Variants in RPP40 observed in about 807,000 individuals in gnomAD.
The protein encoded by RPP40 is ribonuclease P/MRP subunit p40, also known as ribonuclease P protein subunit p40.
A neutral mutation model predicts 42.5 loss-of-function variants in RPP40; 30 were observed. That is an observed-to-expected ratio of 0.71 (90% CI 0.53 to 0.96). The LOEUF is 0.96. RPP40 is among the 40% of genes least tolerant of loss of function. The pLI is 0.00. For synonymous variants in RPP40, 173 were observed against 164.0 expected (o/e 1.05, Z -0.42); for missense variants, 426 against 433.5 (o/e 0.98, Z 0.15).
intron 3 of RPP40, 73 bp downstream of exon 3, chr6:5,000,490 C>CTTT (rs10631918): frequency 0.027 from 18,482 of 690,604 alleles, 445 homozygotes; most frequent in Non-Finnish European, 0.03. Flanking sequence ...GCCCAGCTGA[C>CTTT]TTTTTTTTTT....
intron 2 of RPP40, among the ~76,000 whole-genome samples, chr6:5,001,613 T>C (rs953986206): frequency 1.3e-5 from 2 of 152,182 alleles, no homozygotes; most frequent in East Asian, 3.9e-4. Context: ...CCAGCAGATA[T>C]GGGTGGAAAT....
chr6:4,989,032 T>C, the RPP40 span, among the ~76,000 whole-genome samples: 1 of 148,256 alleles, frequency 6.7e-6, no homozygotes. Flanking sequence ...TATCATGATT[T>C]TAATTTGCCT....
rs1478493715 is a variant in RPP40 at position 4,996,258 on chromosome 6, A to T, written c.722T>A (p.Phe241Tyr). The T allele has an allele frequency of 6.2e-7, 1 of 1,613,964 alleles. No homozygotes were observed. Among genetic ancestry groups the T allele is most frequent in the East Asian group, 2.2e-5 (1 of 44,896 alleles). Residue 241 changes from phenylalanine to tyrosine, a missense_variant, in exon 6 of 8, where the codon TTC becomes TAC. Coordinates refer to ENST00000380051, the MANE Select transcript of RPP40 (RefSeq NM_006638.4). Reference protein sequence around the residue: ...PEVSCRALELFDWLGAVFSNV... With the variant: ...PEVSCRALELYDWLGAVFSNV... ...ACTGAAGACGGCGCCGAGCCAGTCG[A>T]AGAGCTCCAGAGCCCGGCAGGACAC...
downstream of RPP40, among the ~76,000 whole-genome samples, chr6:4,990,819 C>A (rs1007415703): frequency 2.2e-4 from 34 of 152,110 alleles, no homozygotes; most frequent in African/African-American, 8.2e-4. Context: ...GTAATTTCAA[C>A]TTCTTTAACA....
intron 4 of RPP40, among the ~76,000 whole-genome samples, chr6:4,999,291 ATTTTTTTT>A (rs145562587): frequency 1.2e-5 from 1 of 84,282 alleles, no homozygotes; most frequent in Non-Finnish European, 2.2e-5. Flanking sequence ...AGTACTTGGA[ATTTTTTTT>A]TTTTTTTTTT....
downstream of RPP40, among the ~76,000 whole-genome samples, chr6:4,992,996 A>G (rs190275727): frequency 2.0e-5 from 3 of 152,162 alleles, no homozygotes; most frequent in Non-Finnish European, 4.4e-5. Flanking sequence ...CTCCTCTCCT[A>G]ATCTTCAAGC....
chr6:5,001,913 A>C lies in RPP40; in HGVS notation c.268+188T>G, dbSNP rs138463717. 1,130 of 532,314 alleles carry C rather than the reference A, an allele frequency of 2.1e-3. 11 individuals are homozygous for C. The highest frequency in any genetic ancestry group is 0.02 in the African/African-American group (1,025 of 52,092). 33.0% of individuals were successfully genotyped at this position (532,314 alleles called of 1,614,324 possible). Reference sequence around the variant, plus strand: ...AACACTTGTGGCCAATTGCAATCAGAAACCACCACCTAAAGAGGGTACAAG... The same window carrying C: ...AACACTTGTGGCCAATTGCAATCAGCAACCACCACCTAAAGAGGGTACAAG... On this transcript the variant is annotated intron_variant, in intron 2 of 7. Coordinates refer to ENST00000380051, the MANE Select transcript of RPP40 (RefSeq NM_006638.4).
chr6:4,992,080 G>A (rs1373294680), downstream of RPP40, among the ~76,000 whole-genome samples: 1 of 152,158 alleles, frequency 6.6e-6, no homozygotes, highest in Non-Finnish European at 1.5e-5. Flanking sequence ...GCCCATGCCT[G>A]TAATCCCAGC....
At chr6:4,989,007 A>G in the RPP40 span, among the ~76,000 whole-genome samples, 1 of 151,608 alleles carries the variant, frequency 6.6e-6, no homozygotes, top group Non-Finnish European at 1.5e-5. Flanking sequence ...TTACCATTCT[A>G]ATAGGAGTTA....
Position 4,996,067 on chromosome 6 carries a change from A to G in RPP40, c.777T>C (p.Asn259=). ...SNVDLNNEPN[N]FISTYCCPEP... ...CAGGACAGCAATAGGTTGATATGAAATTATTAGGCTCATTATTTCTGTCAC... is the reference window on the plus strand; with the variant it reads ...CAGGACAGCAATAGGTTGATATGAAGTTATTAGGCTCATTATTTCTGTCAC... The change falls in exon 7 of 8, where the codon AAT becomes AAC. Residue 259 remains asparagine (N), a synonymous_variant. Transcript: ENST00000380051. 1 of 1,614,046 alleles carries G rather than the reference A, an allele frequency of 6.2e-7. No individual in the cohort carries two copies. The highest frequency in any genetic ancestry group is 8.5e-7 in the Non-Finnish European group (1 of 1,179,972).
intron 1 of RPP40, 184 bp downstream of exon 1, chr6:5,003,696 G>A (rs943020840): frequency 4.2e-5 from 29 of 691,734 alleles, no homozygotes; most frequent in South Asian, 9.4e-5. Flanking sequence ...TTGTAGTCCT[G>A]TAGCCCTGCA....
chr6:5,003,264 G>A (rs1759626114), intron 1 of RPP40, among the ~76,000 whole-genome samples: 1 of 145,998 alleles, frequency 6.8e-6, no homozygotes, highest in Non-Finnish European at 1.5e-5. Context: ...GGAGAATGGC[G>A]TGAACCCGGG....
intron 3 of RPP40, 109 bp downstream of exon 3, chr6:5,000,454 C>G: frequency 1.4e-6 from 1 of 694,224 alleles, no homozygotes. Flanking sequence ...TCCCAAAGTG[C>G]AGGGATTACA....
At chr6:4,998,893 T>C in intron 4 of RPP40, 52 bp from the exon 5 acceptor site, 2 of 1,145,476 alleles carry the variant, frequency 1.7e-6, no homozygotes, top group Non-Finnish European at 2.4e-6. Flanking sequence ...GTACAGCTTC[T>C]ACCATGGAAA....
intron 4 of RPP40, 35 bp downstream of exon 4, chr6:4,999,774 A>G: frequency 8.8e-7 from 1 of 1,141,968 alleles, no homozygotes; most frequent in Non-Finnish European, 1.3e-6. Context: ...TGCCACAAGA[A>G]GATTAGAAAC....
chr6:4,995,780 G>GC (rs1169997834), intron 7 of RPP40, among the ~76,000 whole-genome samples, 171 bp downstream of exon 7: 17 of 152,330 alleles, frequency 1.1e-4, no homozygotes, highest in South Asian at 4.1e-4. Context: ...GAGAAGATAT[G>GC]CTTACTAAAT....
chr6:4,996,862 A>G (rs538974697), intron 5 of RPP40, among the ~76,000 whole-genome samples: 1 of 152,308 alleles, frequency 6.6e-6, no homozygotes, highest in South Asian at 2.1e-4. Context: ...AATAAAATCC[A>G]GCGTATCTTT....
intron 3 of RPP40, among the ~76,000 whole-genome samples, chr6:5,000,358 T>G (rs938391956): frequency 1.3e-5 from 2 of 152,184 alleles, no homozygotes; most frequent in African/African-American, 2.4e-5. Flanking sequence ...CGGCTAATTT[T>G]TGTATTTTTA....
At position 5,000,577 on chromosome 6, in the gene RPP40, G is replaced by A. The variant is rs1052259629; in HGVS notation, c.323C>T (p.Ala108Val). Residue 108 changes from alanine (A) to valine (V), a missense_variant, in exon 3 of 8, where the codon GCC (alanine) becomes GTC (valine). By Grantham distance (64) the Ala-to-Val change is moderately conservative. Coordinates refer to ENST00000380051, the MANE Select transcript of RPP40 (RefSeq NM_006638.4). ...NTHIDEDNTV[A>V]LLPNGKLILS... is the part of the protein sequence containing the mutation. The stretch of plus-strand genomic sequence containing the variant: ...TAAAGTGTTACCATTTGGTAGCAGG[G>A]CAACAGTATTATCTTCATCAATATG... 6.4e-7 allele frequency: 1 copy of A among 1,568,376 alleles called. No individual in the cohort carries two copies. The highest frequency in any genetic ancestry group is 8.8e-7 in the Non-Finnish European group (1 of 1,140,458).
Sources: gnomAD v4.1 joint callset for allele counts (sites outside exome capture counted in the v4.1 genomes callset) on GRCh38, gnomAD v4.1.1 for gene constraint, MANE v1.5 for transcripts, NCBI Gene and HGNC (gene_info 2026-07-23, HGNC 2026-07-21) for gene names.